MMD: variants seen among roughly 807,000 people sequenced by gnomAD.
MMD encodes monocyte to macrophage differentiation factor.
In MMD, 22 loss-of-function variants were observed where a neutral mutation model predicts 33.6. The ratio of observed to expected loss-of-function variants is 0.66; its 90% CI spans 0.47 to 0.94. The LOEUF is 0.94. MMD is among the 40% of genes least tolerant of loss of function. MMD has a pLI of 0.00. For synonymous variants in MMD, 97 were observed against 103.2 expected (o/e 0.94, Z 0.36); for missense variants, 242 against 309.8 (o/e 0.78, Z 1.64).
At chr17:55,394,555 AT>A in intron 6 of MMD, 21 bp from the exon 7 acceptor site, 1 of 1,428,370 alleles carries the variant, frequency 7.0e-7, no homozygotes, top group Non-Finnish European at 9.2e-7. Context: ...AGAAAAAAAA[AT>A]AAAAAGGGTT....
intron 1 of MMD, among the ~76,000 whole-genome samples, 176 bp downstream of exon 1, chr17:55,421,494 A>G (rs1598437848): frequency 6.6e-6 from 1 of 152,218 alleles, no homozygotes; most frequent in Non-Finnish European, 1.5e-5. Context: ...CCTTGGAGGA[A>G]GGGGATCGCC....
chr17:55,414,412 T>C (rs1295473856), intron 1 of MMD, among the ~76,000 whole-genome samples, 180 bp from the exon 2 acceptor site: 1 of 152,160 alleles, frequency 6.6e-6, no homozygotes, highest in Non-Finnish European at 1.5e-5. Context: ...GCAATGATCC[T>C]TAAGCAAATA....
intron 6 of MMD, among the ~76,000 whole-genome samples, chr17:55,396,466 T>C (rs774152524): frequency 7.2e-5 from 11 of 152,202 alleles, no homozygotes; most frequent in Non-Finnish European, 1.3e-4. Flanking sequence ...CTGTTTTCTA[T>C]TTGGTTTCAT....
chr17:55,409,514 T>C (rs145718624), intron 3 of MMD, among the ~76,000 whole-genome samples: 67 of 152,270 alleles, frequency 4.4e-4, no homozygotes, highest in African/African-American at 1.5e-3. Context: ...TCTCATGGAG[T>C]ATGTGTGAAC....
intron 2 of MMD, among the ~76,000 whole-genome samples, chr17:55,413,543 T>C (rs1907846744): frequency 6.6e-6 from 1 of 152,174 alleles, no homozygotes; most frequent in African/African-American, 2.4e-5. Flanking sequence ...GTTAGTTTTG[T>C]TTTTCTTATA....
At chr17:55,395,637 T>A (rs78208554) in intron 6 of MMD, among the ~76,000 whole-genome samples, 2,463 of 152,306 alleles carry the variant, frequency 0.016, 62 homozygotes, top group African/African-American at 0.055. Context: ...TTTTCAAAGT[T>A]CACAGAAGCC....
chr17:55,421,601 C>G, intron 1 of MMD, 69 bp downstream of exon 1: 2 of 1,583,308 alleles, frequency 1.3e-6, no homozygotes, highest in Non-Finnish European at 1.7e-6. Context: ...GGGAGCCGTG[C>G]GCTTAACGGC....
intron 1 of MMD, among the ~76,000 whole-genome samples, chr17:55,419,543 T>C (rs1908094967): frequency 6.6e-6 from 1 of 152,212 alleles, no homozygotes. Context: ...CTTTGCAATT[T>C]ACCTACCTGG....
At chr17:55,405,540 T>C (rs1907511247) in intron 4 of MMD, among the ~76,000 whole-genome samples, 1 of 152,172 alleles carries the variant, frequency 6.6e-6, no homozygotes, top group African/African-American at 2.4e-5. Flanking sequence ...TCAGCTCACA[T>C]TTAAATTAAT....
intron 6 of MMD, among the ~76,000 whole-genome samples, chr17:55,396,564 C>T (rs1391497104): frequency 6.6e-6 from 1 of 152,104 alleles, no homozygotes; most frequent in East Asian, 1.9e-4. Flanking sequence ...TTTCTCTTGA[C>T]TACTTAACTA....
At chr17:55,414,068 GC>G (rs1691130693) in intron 2 of MMD, 82 bp downstream of exon 2, 1 of 1,310,524 alleles carries the variant, frequency 7.6e-7, no homozygotes, top group Non-Finnish European at 1.1e-6. Context: ...AACTAATTGT[GC>G]TGAGGTTACT....
intron 6 of MMD, 103 bp from the exon 7 acceptor site, chr17:55,394,637 G>T: frequency 1.0e-6 from 1 of 991,964 alleles, no homozygotes; most frequent in Non-Finnish European, 1.3e-6. Context: ...TCTAGACAAT[G>T]AAGAAGCTGT....
chr17:55,416,974 C>T (rs1907990079), intron 1 of MMD, among the ~76,000 whole-genome samples: 1 of 152,274 alleles, frequency 6.6e-6, no homozygotes, highest in South Asian at 2.1e-4. Flanking sequence ...CCTTGCCCAA[C>T]GTTCTTATCA....
At chr17:55,412,932 T>A (rs17210937) in intron 2 of MMD, among the ~76,000 whole-genome samples, 5,181 of 152,302 alleles carry the variant, frequency 0.034, 195 homozygotes, top group East Asian at 0.2. Context: ...AATGAAATGA[T>A]GACAATAGGG....
At chr17:55,404,228 G>T (rs566692561) in intron 4 of MMD, among the ~76,000 whole-genome samples, 1 of 152,154 alleles carries the variant, frequency 6.6e-6, no homozygotes, top group South Asian at 2.1e-4. Flanking sequence ...GGTGGCATGT[G>T]CCTGTAATCC....
chr17:55,409,475 C>T (rs1907680938), intron 3 of MMD, among the ~76,000 whole-genome samples: 1 of 152,198 alleles, frequency 6.6e-6, no homozygotes, highest in Non-Finnish European at 1.5e-5. Flanking sequence ...CTCTCACTTA[C>T]CTCATAGGTA....
intron 1 of MMD, among the ~76,000 whole-genome samples, chr17:55,417,540 C>T (rs1271718555): frequency 6.6e-6 from 1 of 152,096 alleles, no homozygotes; most frequent in Admixed American, 6.6e-5. Flanking sequence ...CCTGTAATCC[C>T]AGCACTTTTG....
intron 6 of MMD, among the ~76,000 whole-genome samples, chr17:55,400,420 G>A (rs1384153303): frequency 2.6e-5 from 4 of 151,958 alleles, no homozygotes; most frequent in Non-Finnish European, 4.4e-5. Context: ...GTTGCAGCCC[G>A]CATCTGTAAT....
At chr17:55,407,094 C>T (rs963330665) in intron 4 of MMD, among the ~76,000 whole-genome samples, 5 of 151,800 alleles carry the variant, frequency 3.3e-5, no homozygotes, top group Admixed American at 2.0e-4. Context: ...TTTGGGAGAT[C>T]AAGGTGGGCA....
Sources: allele counts gnomAD v4.1 joint callset (sites outside exome capture counted in the v4.1 genomes callset), GRCh38; gene constraint gnomAD v4.1.1; transcripts MANE v1.5; gene names NCBI Gene and HGNC (gene_info 2026-07-23, HGNC 2026-07-21).